Variants in CCDC88C observed in about 807,000 individuals in gnomAD.
CCDC88C encodes coiled-coil and HOOK domain protein 88C.
CCDC88C carries 131 observed loss-of-function variants against 198.8 expected under a neutral mutation model. The ratio of observed to expected loss-of-function variants is 0.66; its 90% confidence interval spans 0.57 to 0.76. The LOEUF (loss-of-function observed/expected upper bound fraction) is 0.76, where lower values mean the gene tolerates loss of function less well. CCDC88C is among the 30% of genes least tolerant of loss of function. The probability of loss-of-function intolerance (pLI) is 0.00; values close to 1 mark genes in which losing one functional copy is unlikely to be tolerated. For synonymous variants in CCDC88C, 1,166 were observed against 1,114.7 expected (o/e 1.05, Z -0.92); for missense variants, 2,553 against 2,631.6 (o/e 0.97, Z 0.65).
rs114155417 is a variant in CCDC88C at position 91,371,179 on chromosome 14, T to C, written c.271-11468A>G. 9.8e-3 allele frequency among the ~76,000 whole-genome samples: 1,494 copies of C among 152,142 alleles called. 27 individuals are homozygous for C. Among genetic ancestry groups the C allele is most frequent in the African/African-American group, 0.034 (1,401 of 41,492 alleles). ...TCGGTGCTCCAGTGCTTGGAGTTGA[T>C]ATAAGGGCCCTGATTTTATGGCCGT... On this transcript the variant is annotated intron_variant, in intron 3 of 29. Transcript: ENST00000389857. This position sits in a 1 kb window ranked among gnomAD's most constrained non-coding sequence, Gnocchi z 4.2.
chr14:91,330,777 A>T (rs1285767), intron 10 of CCDC88C, among the ~76,000 whole-genome samples: 4 of 151,716 alleles, frequency 2.6e-5, no homozygotes, highest in Admixed American at 2.0e-4. Flanking sequence ...GTCTCTGGAT[A>T]ACCCGGGTAC....
At chr14:91,342,492 G>A (rs559134358) in intron 5 of CCDC88C, 29 bp from the exon 6 acceptor site, 19 of 1,457,642 alleles carry the variant, frequency 1.3e-5, no homozygotes, top group Non-Finnish European at 1.8e-5. Flanking sequence ...GTTAATGGAA[G>A]CGCTGTTCAA....
chr14:91,309,302 TA>T (rs1265987448), intron 16 of CCDC88C, among the ~76,000 whole-genome samples: 2 of 152,098 alleles, frequency 1.3e-5, no homozygotes, highest in Middle Eastern at 6.3e-3. Flanking sequence ...TCTAATTTTT[TA>T]AAAAAATTAA....
intron 3 of CCDC88C, among the ~76,000 whole-genome samples, chr14:91,386,636 T>G (rs560276389): frequency 1.4e-4 from 21 of 152,316 alleles, no homozygotes; most frequent in African/African-American, 4.6e-4. Flanking sequence ...GGCCAATCTG[T>G]GTGTTTTCTG....
Position 91,286,800 on chromosome 14 carries a change from T to A in CCDC88C, c.4441+2305A>T, listed in dbSNP as rs1890427219. Reference sequence around the variant, plus strand: ...AGTGCATGCAGTTAAGAGCTCAGGCTCCGGAGTGCGGCCGACCTGCATTTG... The same window carrying A: ...AGTGCATGCAGTTAAGAGCTCAGGCACCGGAGTGCGGCCGACCTGCATTTG... On this transcript the variant is annotated intron_variant, in intron 25 of 29. Coordinates refer to ENST00000389857, the MANE Select transcript of CCDC88C (RefSeq NM_001080414.4). 2.0e-5 allele frequency among the ~76,000 whole-genome samples: 3 copies of A among 152,194 alleles called. No individual in the cohort carries two copies. In the South Asian group the frequency reaches 6.2e-4, roughly 31 times the overall value.
chr14:91,279,451 C>G lies in CCDC88C; in HGVS notation c.4700-145G>C, dbSNP rs45458291. On this transcript the variant is annotated intron_variant, in intron 27 of 29. Coordinates refer to ENST00000389857, the MANE Select transcript of CCDC88C (RefSeq NM_001080414.4). The stretch of plus-strand genomic sequence containing the variant: ...CAGGAAGGAGGAGCTCTGGGACTCC[C>G]TCTGCGCTCCAGTGAGGAAGCCTCA... 0.037 allele frequency: 23,172 copies of G among 627,718 alleles called. 530 individuals carry two copies. Among genetic ancestry groups the G allele is most frequent in the Non-Finnish European group, 0.045 (16,279 of 365,394 alleles). 38.9% of individuals were successfully genotyped at this position (627,718 alleles called of 1,614,324 possible).
chr14:91,387,412 A>C (rs1885210939), intron 3 of CCDC88C, among the ~76,000 whole-genome samples: 2 of 152,218 alleles, frequency 1.3e-5, no homozygotes, highest in South Asian at 4.1e-4. Flanking sequence ...AGGCCCAGTC[A>C]GGCCAAGCTA....
chr14:91,281,444 C>T lies in CCDC88C; in HGVS notation c.4699+13G>A. On this transcript the variant is annotated intron_variant, in intron 27 of 29. Coordinates refer to ENST00000389857, the MANE Select transcript of CCDC88C (RefSeq NM_001080414.4). ...AAACCCAGGCTGGAGGACACAGCAC[C>T]CTCCCTACTCACCGTACTGCCTGTG... 6.2e-7 allele frequency: 1 copy of T among 1,613,754 alleles called. No homozygotes were observed. The highest frequency in any genetic ancestry group is 8.5e-7 in the Non-Finnish European group (1 of 1,179,702).
At chr14:91,359,359 G>A (rs1359211524) in intron 4 of CCDC88C, among the ~76,000 whole-genome samples, 1 of 151,904 alleles carries the variant, frequency 6.6e-6, no homozygotes, top group Non-Finnish European at 1.5e-5. Flanking sequence ...GGATGGTCTC[G>A]ATCTCCTGAC....
At chr14:91,361,551 G>A (rs968186535) in intron 3 of CCDC88C, among the ~76,000 whole-genome samples, 9 of 152,222 alleles carry the variant, frequency 5.9e-5, no homozygotes, top group African/African-American at 1.9e-4. Flanking sequence ...AAACCGTGAG[G>A]TGTACTCTAC....
intron 17 of CCDC88C, among the ~76,000 whole-genome samples, chr14:91,307,450 C>T (rs1891607925): frequency 6.6e-6 from 1 of 152,230 alleles, no homozygotes; most frequent in East Asian, 1.9e-4. Flanking sequence ...AGGTGGGGGC[C>T]TGCAACCCGT....
At chr14:91,402,983 C>T (rs1278025625) in intron 3 of CCDC88C, among the ~76,000 whole-genome samples, 2 of 152,216 alleles carry the variant, frequency 1.3e-5, no homozygotes, top group African/African-American at 4.8e-5. Context: ...GAAAGCTAAA[C>T]TTCCTTGAGC....
In CCDC88C at chr14:91,338,223, A is replaced by G; in HGVS notation, c.892-60T>C. The G allele has an allele frequency of 6.3e-7, 1 of 1,579,794 alleles. No individual in the cohort carries two copies. Among genetic ancestry groups the G allele is most frequent in the Non-Finnish European group, 8.6e-7 (1 of 1,156,116 alleles). ...AGGGCATCCTCTAGGAAGGGCAGAAAGGCCATTGCCCTTCTGCATGGTGTC... is the reference window on the plus strand; with the variant it reads ...AGGGCATCCTCTAGGAAGGGCAGAAGGGCCATTGCCCTTCTGCATGGTGTC... On this transcript the variant is annotated intron_variant, in intron 9 of 29. Transcript: ENST00000389857. This position sits in a 1 kb window ranked among gnomAD's most constrained non-coding sequence, Gnocchi z 4.8.
intron 4 of CCDC88C, among the ~76,000 whole-genome samples, chr14:91,344,642 G>A (rs1056523541): frequency 2.6e-5 from 4 of 151,804 alleles, no homozygotes; most frequent in African/African-American, 9.7e-5. Flanking sequence ...CTCCCGAGTA[G>A]CTGGGACTAC....
chr14:91,392,242 T>C (rs1397422324), intron 3 of CCDC88C, among the ~76,000 whole-genome samples: 2 of 152,082 alleles, frequency 1.3e-5, no homozygotes, highest in Non-Finnish European at 2.9e-5. Context: ...TAACATGCTC[T>C]ATAAACTCTG....
chr14:91,339,003 G>A lies in CCDC88C; in HGVS notation c.809+275C>T, dbSNP rs1315475942. ...CGTCCCGGCCCCAAGCTGGAGCTGA[G>A]CGTGGACTGGAGGCTGCTTCTGTGG... is the stretch of plus-strand genomic sequence containing the variant. On this transcript the variant is annotated intron_variant, in intron 8 of 29. Transcript: ENST00000389857. The surrounding 1 kb of genome is among the most constrained non-coding windows in gnomAD (Gnocchi z 5.8). The A allele has an allele frequency of 3.6e-6, 2 of 554,130 alleles. No individual in the cohort carries two copies. Among genetic ancestry groups the A allele is most frequent in the Non-Finnish European group, 6.6e-6 (2 of 304,380 alleles). The allele number at this position is 554,130 out of a possible 1,614,324, so 34.3% of individuals were successfully genotyped here.
In CCDC88C at chr14:91,278,033, C is replaced by T. The variant is rs1890037412; in HGVS notation, c.4947G>A (p.Arg1649=). 1 of 1,605,330 alleles carries T rather than the reference C, an allele frequency of 6.2e-7. No individual in the cohort carries two copies. The highest frequency in any genetic ancestry group is 8.5e-7 in the Non-Finnish European group (1 of 1,176,012). ...GPLPQEGAQK[R]GTAPPYVGVR... ...CTCCGACGTAGGGAGGGGCTGTGCC[C>T]CTCTTCTGGGCACCCTCCTGTGGGA... The change falls in exon 29 of 30, where the codon AGG becomes AGA. Residue 1649 remains arginine (R), a synonymous_variant. Transcript: ENST00000389857.
intron 2 of CCDC88C, among the ~76,000 whole-genome samples, chr14:91,412,422 T>C (rs1376026375): frequency 2.8e-5 from 4 of 143,174 alleles, no homozygotes; most frequent in Non-Finnish European, 6.0e-5. Context: ...AAGATGAACA[T>C]AGTTTGTGTA....
At chr14:91,364,976 G>A (rs2139914635) in intron 3 of CCDC88C, among the ~76,000 whole-genome samples, 1 of 152,318 alleles carries the variant, frequency 6.6e-6, no homozygotes, top group East Asian at 1.9e-4. Context: ...GCTCTGACAG[G>A]GGAGGACGAC....
Sources: gnomAD v4.1 joint callset for allele counts (sites outside exome capture counted in the v4.1 genomes callset) on GRCh38, gnomAD v4.1.1 for gene constraint, Gnocchi (gnomAD v3.1) non-coding constraint, MANE v1.5 for transcripts, NCBI Gene and HGNC (gene_info 2026-07-23, HGNC 2026-07-21) for gene names.